The following INSL6 variants were observed in gnomAD, a reference collection of about 807,000 sequenced individuals.
INSL6 encodes insulin like 6, also known as insulin-like peptide INSL6.
In INSL6, 16 loss-of-function variants were observed where a neutral mutation model predicts 9.4. The ratio of observed to expected loss-of-function variants is 1.70; its 90% confidence interval spans 1.15 to 2.59. INSL6 has a LOEUF of 2.59. INSL6 is among the 30% of genes most tolerant of loss of function. INSL6 has a pLI of 0.00. For missense variants in INSL6, 391 were observed against 257.3 expected, an observed-to-expected ratio of 1.52 and a Z score of -3.56; for synonymous variants, 154 against 96.9, an observed-to-expected ratio of 1.59 and a Z score of -3.46.
chr9:5,042,105 G>A, the INSL6 span, among the ~76,000 whole-genome samples: 1 of 149,874 alleles, frequency 6.7e-6, no homozygotes, highest in Admixed American at 6.6e-5. Context: ...CTTCCTTCAC[G>A]TAAGACTGGC....
At chr9:5,022,091 T>A in the INSL6 span, 1 of 1,613,774 alleles carries the variant, frequency 6.2e-7, no homozygotes, top group African/African-American at 1.3e-5. Flanking sequence ...ATGAAGCAAA[T>A]AGATCCAGTT....
At chr9:5,092,352 A>G in the INSL6 span, among the ~76,000 whole-genome samples, 2 of 152,168 alleles carry the variant, frequency 1.3e-5, no homozygotes, top group Non-Finnish European at 2.9e-5. Flanking sequence ...CTATACATGA[A>G]TAGAGGAGAT....
the INSL6 span, among the ~76,000 whole-genome samples, chr9:5,015,283 A>G: frequency 6.6e-6 from 1 of 152,226 alleles, no homozygotes; most frequent in Non-Finnish European, 1.5e-5. Flanking sequence ...TTGTAACTAG[A>G]CGTAGAATTG....
the INSL6 span, among the ~76,000 whole-genome samples, chr9:5,116,601 G>C: frequency 1.3e-5 from 2 of 152,130 alleles, no homozygotes; most frequent in Admixed American, 6.5e-5. Flanking sequence ...GTTATATGAA[G>C]ATTCAGAGAT....
chr9:5,143,599 T>G (rs937796857), intron 2 of INSL6, among the ~76,000 whole-genome samples: 1 of 152,138 alleles, frequency 6.6e-6, no homozygotes, highest in African/African-American at 2.4e-5. Context: ...TTAGTCTAGC[T>G]ACTGGTCTAT....
chr9:5,034,060 C>T, the INSL6 span, among the ~76,000 whole-genome samples: 8 of 151,546 alleles, frequency 5.3e-5, no homozygotes, highest in South Asian at 4.2e-4. Flanking sequence ...ACCAAGCAAA[C>T]GGAAAACAAA....
chr9:5,170,262 T>C (rs911981220), intron 1 of INSL6, among the ~76,000 whole-genome samples: 1 of 152,068 alleles, frequency 6.6e-6, no homozygotes, highest in Non-Finnish European at 1.5e-5. Context: ...CCTGGGTAAA[T>C]GATAAAATTA....
chr9:5,109,652 T>C, the INSL6 span: 1 of 152,152 alleles, frequency 6.6e-6, no homozygotes, highest in African/African-American at 2.4e-5. Flanking sequence ...CGTTTATATA[T>C]ACAGACCAAG....
intron 2 of INSL6, among the ~76,000 whole-genome samples, chr9:5,158,511 G>A (rs138229449): frequency 6.6e-6 from 1 of 152,154 alleles, no homozygotes; most frequent in Non-Finnish European, 1.5e-5. Flanking sequence ...TAATACAATG[G>A]AACTTCAACA....
chr9:5,162,651 G>A (rs999391170), downstream of INSL6, among the ~76,000 whole-genome samples: 25 of 152,168 alleles, frequency 1.6e-4, no homozygotes, highest in African/African-American at 6.0e-4. Flanking sequence ...ATCTACATGG[G>A]TAGCTCCCTA....
At chr9:5,148,938 G>C (rs1157083084) in intron 2 of INSL6, among the ~76,000 whole-genome samples, 2 of 146,074 alleles carry the variant, frequency 1.4e-5, no homozygotes, top group Non-Finnish European at 2.9e-5. Context: ...AAGCTGGCCT[G>C]CAAAACAGAC....
At chr9:5,029,066 A>G in the INSL6 span, among the ~76,000 whole-genome samples, 1 of 152,204 alleles carries the variant, frequency 6.6e-6, no homozygotes, top group Non-Finnish European at 1.5e-5. Context: ...TTTTAATAAT[A>G]CCTTCCTCAC....
the INSL6 span, chr9:5,089,871 GC>G: frequency 6.9e-7 from 1 of 1,451,062 alleles, no homozygotes; most frequent in Non-Finnish European, 9.1e-7. Flanking sequence ...CTGGTAAGCT[GC>G]CCATTGAAAC....
chr9:5,051,525 C>T, the INSL6 span, among the ~76,000 whole-genome samples: 2 of 152,258 alleles, frequency 1.3e-5, no homozygotes, highest in African/African-American at 4.8e-5. Flanking sequence ...TGAATTTTTA[C>T]AGATGCTCTA....
the INSL6 span, among the ~76,000 whole-genome samples, chr9:5,050,015 GGGC>G: frequency 1.3e-5 from 2 of 152,080 alleles, no homozygotes; most frequent in Non-Finnish European, 2.9e-5. Context: ...CATTGTTATG[GGGC>G]ACATGGCTAT....
At chr9:5,050,338 C>T in the INSL6 span, among the ~76,000 whole-genome samples, 1 of 152,102 alleles carries the variant, frequency 6.6e-6, no homozygotes, top group Non-Finnish European at 1.5e-5. Flanking sequence ...GTCTGTTACC[C>T]AGACTAGGGT....
chr9:5,092,732 G>A, the INSL6 span, among the ~76,000 whole-genome samples: 5,205 of 152,250 alleles, frequency 0.034, 249 homozygotes, highest in African/African-American at 0.11. Context: ...CTGAAAGAGC[G>A]TACTCACCTA....
At chr9:5,001,731 G>T in the INSL6 span, among the ~76,000 whole-genome samples, 2 of 151,928 alleles carry the variant, frequency 1.3e-5, no homozygotes, top group South Asian at 4.2e-4. Context: ...TTTTCTGTAA[G>T]AGTTTATACA....
intron 3 of INSL6, chr9:5,126,281 AT>A: frequency 3.8e-6 from 5 of 1,311,548 alleles, no homozygotes; most frequent in Non-Finnish European, 5.4e-6. Context: ...TTGAGAAAGA[AT>A]TTTGCTACAA....
Sources: allele counts gnomAD v4.1 joint callset (sites outside exome capture counted in the v4.1 genomes callset), GRCh38; gene constraint gnomAD v4.1.1; transcripts MANE v1.5; gene names NCBI Gene and HGNC (gene_info 2026-07-23, HGNC 2026-07-21).